Variants in SLC7A11 observed in about 807,000 individuals in gnomAD.
The protein encoded by SLC7A11 is solute carrier family 7 member 11, also known as cystine/glutamate transporter.
SLC7A11 carries 35 observed loss-of-function variants against 54.5 expected under a neutral mutation model. The observed-to-expected ratio is 0.64, with a 90% CI of 0.49 to 0.85. SLC7A11 has a LOEUF of 0.85. Among genes scored for constraint, SLC7A11 ranks in the 40% least tolerant of loss-of-function variants. SLC7A11 has a pLI of 0.00. For missense variants in SLC7A11, 583 were observed against 618.1 expected, an observed-to-expected ratio of 0.94 and a Z score of 0.60; for synonymous variants, 230 against 225.2, an observed-to-expected ratio of 1.02 and a Z score of -0.19.
At chr4:138,213,951 C>T (rs994412897) in intron 6 of SLC7A11, among the ~76,000 whole-genome samples, 3 of 152,090 alleles carry the variant, frequency 2.0e-5, no homozygotes, top group Non-Finnish European at 4.4e-5. Flanking sequence ...TGTAGCAAAT[C>T]CAATGTTTAT....
intron 3 of SLC7A11, among the ~76,000 whole-genome samples, chr4:138,230,103 C>A (rs1234679663): frequency 6.6e-6 from 1 of 152,152 alleles, no homozygotes; most frequent in Non-Finnish European, 1.5e-5. Context: ...GTGATCATGT[C>A]TTCTGCGGGA....
chr4:138,233,910 C>A (rs563951095), intron 2 of SLC7A11, among the ~76,000 whole-genome samples: 20 of 151,852 alleles, frequency 1.3e-4, no homozygotes, highest in Non-Finnish European at 2.4e-4. Context: ...AACTAATTGA[C>A]TATGTTTTAT....
chr4:138,205,450 T>C (rs1452026959), intron 6 of SLC7A11, among the ~76,000 whole-genome samples: 1 of 152,080 alleles, frequency 6.6e-6, no homozygotes, highest in Admixed American at 6.6e-5. Flanking sequence ...AATAAAGTTA[T>C]CAAAATGATT....
intron 4 of SLC7A11, among the ~76,000 whole-genome samples, chr4:138,220,210 T>C (rs1305420646): frequency 1.3e-5 from 2 of 152,062 alleles, no homozygotes; most frequent in African/African-American, 4.8e-5. Flanking sequence ...AGTGTTAGGA[T>C]TACAGGTGTG....
intron 11 of SLC7A11, chr4:138,177,020 T>A (rs1260108713): frequency 6.6e-6 from 1 of 152,164 alleles, no homozygotes; most frequent in Admixed American, 6.6e-5. Context: ...AAGCACCTCA[T>A]TTGTATAGTA....
intron 1 of SLC7A11, among the ~76,000 whole-genome samples, chr4:138,238,160 T>C (rs1738286287): frequency 6.6e-6 from 1 of 151,560 alleles, no homozygotes. Context: ...TCACATAAAA[T>C]TGGACAAATA....
At chr4:138,206,399 A>ATG (rs1223241938) in intron 6 of SLC7A11, among the ~76,000 whole-genome samples, 11 of 150,598 alleles carry the variant, frequency 7.3e-5, no homozygotes, top group Non-Finnish European at 1.5e-5. Flanking sequence ...ATATATATAT[A>ATG]TAGCCTCAAA....
At chr4:138,186,434 T>C (rs1359973618) in intron 6 of SLC7A11, among the ~76,000 whole-genome samples, 1 of 152,148 alleles carries the variant, frequency 6.6e-6, no homozygotes, top group Non-Finnish European at 1.5e-5. Context: ...CGAACAGCGA[T>C]ATCCCCTGTT....
chr4:138,167,871 C>T lies in SLC7A11; in HGVS notation c.*4085G>A, dbSNP rs1736307726. 1 of 152,026 alleles carries T rather than the reference C, an allele frequency of 6.6e-6. No homozygotes were observed. 9.4% of individuals were successfully genotyped at this position (152,026 alleles called of 1,614,324 possible). Reference sequence around the variant, plus strand: ...CCCACATCTCTCTATATTTCTTTCCCAACTAAGAGCTATAATTAAAATCCC... The same window carrying T: ...CCCACATCTCTCTATATTTCTTTCCTAACTAAGAGCTATAATTAAAATCCC... On this transcript the variant is annotated 3_prime_UTR_variant, in exon 12 of 12. Coordinates refer to ENST00000280612, the MANE Select transcript of SLC7A11 (RefSeq NM_014331.4).
At chr4:138,241,684 T>G in intron 1 of SLC7A11, 109 bp downstream of exon 1, 3 of 838,076 alleles carry the variant, frequency 3.6e-6, no homozygotes, top group Non-Finnish European at 1.9e-6. Flanking sequence ...AAAAATTTGG[T>G]GTGGCCTTTG....
At chr4:138,209,985 C>G (rs996281483) in intron 6 of SLC7A11, among the ~76,000 whole-genome samples, 5 of 151,912 alleles carry the variant, frequency 3.3e-5, no homozygotes, top group South Asian at 2.1e-4. Flanking sequence ...ATTACTTGAC[C>G]TCAAACCATA....
At chr4:138,190,614 C>G (rs1700367631) in intron 6 of SLC7A11, among the ~76,000 whole-genome samples, 2 of 152,006 alleles carry the variant, frequency 1.3e-5, no homozygotes, top group Non-Finnish European at 1.5e-5. Context: ...TTTATTCTAC[C>G]CTTCAAACTT....
intron 1 of SLC7A11, among the ~76,000 whole-genome samples, chr4:138,241,078 C>A (rs759375269): frequency 6.6e-5 from 10 of 152,122 alleles, no homozygotes; most frequent in Non-Finnish European, 1.2e-4. Flanking sequence ...AAAAACAGAT[C>A]TGGGCAAGTA....
intron 4 of SLC7A11, 45 bp downstream of exon 4, chr4:138,223,154 A>C: frequency 6.3e-7 from 1 of 1,578,918 alleles, no homozygotes; most frequent in Non-Finnish European, 8.7e-7. Flanking sequence ...AAAAAGACCA[A>C]AAGCAGATAC....
chr4:138,214,949 C>A (rs951435155), intron 5 of SLC7A11, among the ~76,000 whole-genome samples: 1 of 152,114 alleles, frequency 6.6e-6, no homozygotes, highest in Admixed American at 6.6e-5. Context: ...AGCCAGAGGG[C>A]AGGTCTAGCC....
chr4:138,194,628 C>G (rs954996698), intron 6 of SLC7A11, among the ~76,000 whole-genome samples: 19 of 152,112 alleles, frequency 1.2e-4, no homozygotes, highest in Non-Finnish European at 2.6e-4. Flanking sequence ...TCTATATATA[C>G]CATCCCAAAT....
chr4:138,176,848 A>G (rs2148408738), intron 11 of SLC7A11: 1 of 152,312 alleles, frequency 6.6e-6, no homozygotes, highest in South Asian at 2.1e-4. Flanking sequence ...CCCTAATGGT[A>G]AATGGTATTT....
chr4:138,238,748 C>T (rs1738303110), intron 1 of SLC7A11, among the ~76,000 whole-genome samples: 2 of 151,950 alleles, frequency 1.3e-5, no homozygotes, highest in Admixed American at 6.6e-5. Flanking sequence ...CACAGGTACA[C>T]ACCACCATGC....
At chr4:138,231,133 T>C (rs74288082) in intron 3 of SLC7A11, among the ~76,000 whole-genome samples, 20,764 of 152,070 alleles carry the variant, frequency 0.14, 1,719 homozygotes, top group East Asian at 0.4. Context: ...AGCTAAATAA[T>C]GTATACACAT....
Sources: gnomAD v4.1 joint callset for allele counts (sites outside exome capture counted in the v4.1 genomes callset) on GRCh38, gnomAD v4.1.1 for gene constraint, MANE v1.5 for transcripts, NCBI Gene and HGNC (gene_info 2026-07-23, HGNC 2026-07-21) for gene names.